ZNF334: variants seen among roughly 807,000 people sequenced by gnomAD.
ZNF334 encodes zinc finger protein 334.
In ZNF334, 14 loss-of-function variants were observed where a neutral mutation model predicts 12.4. The ratio of observed to expected loss-of-function variants is 1.13; its 90% confidence interval spans 0.74 to 1.76. The LOEUF (loss-of-function observed/expected upper bound fraction) is 1.76, where lower values mean the gene tolerates loss of function less well. Ranked by LOEUF, ZNF334 falls within the 40% of genes most tolerant of loss-of-function variation. The pLI is 0.00. For synonymous variants in ZNF334, 273 were observed against 269.6 expected (o/e 1.01, Z -0.12); for missense variants, 797 against 804.5 (o/e 0.99, Z 0.11).
At chr20:46,473,380 A>G in the ZNF334 span, among the ~76,000 whole-genome samples, 5 of 152,084 alleles carry the variant, frequency 3.3e-5, no homozygotes, top group Non-Finnish European at 7.4e-5. Context: ...TTCTTTGTTT[A>G]TACTTTGTTT....
chr20:46,508,244 A>G (rs1239253388), intron 2 of ZNF334, among the ~76,000 whole-genome samples: 2 of 152,236 alleles, frequency 1.3e-5, no homozygotes, highest in Non-Finnish European at 2.9e-5. Context: ...GATTACCCAA[A>G]AAAAGAAATG....
the ZNF334 span, among the ~76,000 whole-genome samples, chr20:46,479,504 C>T: frequency 2.0e-5 from 3 of 152,198 alleles, no homozygotes; most frequent in Admixed American, 1.3e-4. Flanking sequence ...GATCACAAGA[C>T]TGACAAAACA....
downstream of ZNF334, among the ~76,000 whole-genome samples, chr20:46,496,450 A>G (rs908013229): frequency 8.5e-5 from 13 of 152,212 alleles, no homozygotes; most frequent in African/African-American, 2.7e-4. Flanking sequence ...GACTCTTTAC[A>G]AAAGTGTGGG....
chr20:46,489,662 A>C, the ZNF334 span, among the ~76,000 whole-genome samples: 1 of 151,914 alleles, frequency 6.6e-6, no homozygotes. Context: ...AAAAAAAAAA[A>C]AAAAAAAAAA....
intron 3 of ZNF334, 24 bp from the exon 4 acceptor site, chr20:46,504,330 T>G: frequency 6.3e-7 from 1 of 1,597,370 alleles, no homozygotes; most frequent in Non-Finnish European, 8.6e-7. Flanking sequence ...ATTACAGAAC[T>G]TGGACCAAGA....
chr20:46,489,590 G>A, the ZNF334 span, among the ~76,000 whole-genome samples: 8 of 150,212 alleles, frequency 5.3e-5, no homozygotes, highest in South Asian at 2.1e-4. Flanking sequence ...CCTGGGAAGC[G>A]GGGCTTGAAA....
At chr20:46,472,593 A>C in the ZNF334 span, among the ~76,000 whole-genome samples, 3 of 152,222 alleles carry the variant, frequency 2.0e-5, no homozygotes, top group African/African-American at 7.2e-5. Flanking sequence ...AGGACGGCCT[A>C]AATAGCTCCT....
At chr20:46,464,100 G>T in the ZNF334 span, 1 of 601,740 alleles carries the variant, frequency 1.7e-6, no homozygotes. Context: ...TCCTTCACTG[G>T]GCCCAGTATC....
Position 46,512,805 on chromosome 20 carries a change from G to C in ZNF334, c.-304C>G, listed in dbSNP as rs1329822628. The C allele has an allele frequency of 3.3e-5, 5 of 152,206 alleles. No individual in the cohort carries two copies. Among genetic ancestry groups the C allele is most frequent in the African/African-American group, 1.2e-4 (5 of 41,442 alleles). 9.4% of individuals were successfully genotyped at this position (152,206 alleles called of 1,614,324 possible). On this transcript the variant is annotated 5_prime_UTR_variant, in exon 1 of 5. Transcript: ENST00000692313. Reference sequence around the variant, plus strand: ...CATTACTGAAAAAAATATTTACTAAGTCGTAATTTTAATATAAGATAAATT... The same window carrying C: ...CATTACTGAAAAAAATATTTACTAACTCGTAATTTTAATATAAGATAAATT...
At chr20:46,468,315 G>A in the ZNF334 span, among the ~76,000 whole-genome samples, 47 of 150,272 alleles carry the variant, frequency 3.1e-4, no homozygotes, top group Admixed American at 2.2e-3. Flanking sequence ...TCGCTCTGTC[G>A]CCCAGGCTGG....
the ZNF334 span, among the ~76,000 whole-genome samples, chr20:46,482,293 A>G: frequency 3.9e-5 from 6 of 152,198 alleles, no homozygotes; most frequent in Non-Finnish European, 7.3e-5. Flanking sequence ...TTAGGGCCCA[A>G]TGTTTAGAAG....
chr20:46,468,169 G>A, the ZNF334 span, among the ~76,000 whole-genome samples: 2 of 152,196 alleles, frequency 1.3e-5, no homozygotes, highest in Non-Finnish European at 2.9e-5. Flanking sequence ...TTACTGAGGC[G>A]GCGGTGCACG....
chr20:46,483,136 ATGT>A, the ZNF334 span, among the ~76,000 whole-genome samples: 2 of 152,212 alleles, frequency 1.3e-5, no homozygotes, highest in Admixed American at 1.3e-4. Context: ...CAGGTTTTAA[ATGT>A]TGTGACTGTC....
At chr20:46,486,061 C>T in the ZNF334 span, among the ~76,000 whole-genome samples, 2 of 152,158 alleles carry the variant, frequency 1.3e-5, no homozygotes, top group African/African-American at 2.4e-5. Context: ...TGTTTTGTGA[C>T]ATATTTGAAT....
At chr20:46,493,405 G>A in the ZNF334 span, among the ~76,000 whole-genome samples, 2 of 152,214 alleles carry the variant, frequency 1.3e-5, no homozygotes, top group Non-Finnish European at 2.9e-5. Context: ...GCTGATCATG[G>A]ATCTGAACTA....
intron 2 of ZNF334, among the ~76,000 whole-genome samples, chr20:46,510,865 G>T (rs561063635): frequency 1.3e-5 from 2 of 151,952 alleles, no homozygotes; most frequent in South Asian, 2.1e-4. Context: ...TGAGCAAGTT[G>T]TAAGTATTAT....
At position 46,501,581 on chromosome 20, in the gene ZNF334, G is replaced by A; in HGVS notation, c.1758C>T (p.Ser586=). 6.2e-7 allele frequency: 1 copy of A among 1,614,046 alleles called. No individual in the cohort carries two copies. Among genetic ancestry groups the A allele is most frequent in the Non-Finnish European group, 8.5e-7 (1 of 1,179,984 alleles). The change falls in exon 5 of 5, where the codon TCC becomes TCT. Residue 586 remains serine (S), a synonymous_variant. Transcript: ENST00000692313. ...ECGKTFCQKF[S]FVEHQRTHTG... Reference sequence around the variant, plus strand: ...TGTGAGTTCGCTGATGTTCAACAAAGGAGAACTTCTGACAGAAGGTTTTCC... The same window carrying A: ...TGTGAGTTCGCTGATGTTCAACAAAAGAGAACTTCTGACAGAAGGTTTTCC...
chr20:46,504,865 G>T, intron 2 of ZNF334, 125 bp from the exon 3 acceptor site: 1 of 780,324 alleles, frequency 1.3e-6, no homozygotes. Flanking sequence ...ATTGTGGGAG[G>T]GCAGAAAATT....
chr20:46,504,400 G>T, intron 3 of ZNF334, 94 bp from the exon 4 acceptor site: 2 of 1,248,434 alleles, frequency 1.6e-6, no homozygotes, highest in South Asian at 1.3e-5. Context: ...GCTGTGCAAT[G>T]AAGATGCCCA....
Sources: allele counts gnomAD v4.1 joint callset (sites outside exome capture counted in the v4.1 genomes callset), GRCh38; gene constraint gnomAD v4.1.1; transcripts MANE v1.5; gene names NCBI Gene and HGNC (gene_info 2026-07-23, HGNC 2026-07-21).